Variants in MORN2 observed in about 807,000 individuals in gnomAD.
The protein encoded by MORN2 is MORN repeat-containing protein 2.
Under a neutral mutation model 13.4 loss-of-function variants are expected in MORN2, and 15 were observed. That is an observed-to-expected ratio of 1.12 (90% CI 0.75 to 1.72). MORN2 has a LOEUF of 1.72. Among genes scored for constraint, MORN2 ranks in the 40% most tolerant of loss-of-function variants. MORN2 has a pLI of 0.00. For missense variants in MORN2, 168 were observed against 134.6 expected (o/e 1.25, Z -1.23); for synonymous variants, 46 against 43.6 (o/e 1.06, Z -0.22).
chr2:38,876,574 G>C (rs914633719), intron 1 of MORN2, among the ~76,000 whole-genome samples: 1 of 152,242 alleles, frequency 6.6e-6, no homozygotes, highest in Non-Finnish European at 1.5e-5. Flanking sequence ...GGTGAGAAGA[G>C]ATTTGACTAA....
At chr2:38,878,105 C>T (rs1257679951) in intron 1 of MORN2, among the ~76,000 whole-genome samples, 1 of 146,194 alleles carries the variant, frequency 6.8e-6, no homozygotes, top group Non-Finnish European at 1.5e-5. Context: ...TACCAGCGTG[C>T]CTGCCAGTTT....
At chr2:38,877,201 G>A (rs1467612222) in intron 1 of MORN2, among the ~76,000 whole-genome samples, 2 of 152,126 alleles carry the variant, frequency 1.3e-5, no homozygotes, top group Non-Finnish European at 2.9e-5. Context: ...GGGAGGCGGA[G>A]GTTGCAGTGA....
intron 3 of MORN2, 121 bp downstream of exon 3, chr2:38,880,827 A>G (rs1436184340): frequency 1.9e-6 from 2 of 1,056,940 alleles, no homozygotes; most frequent in South Asian, 2.1e-5. Flanking sequence ...AAAAATAACA[A>G]ATGATCATAT....
At position 38,880,716 on chromosome 2, in the gene MORN2, T is replaced by C; in HGVS notation, c.216+10T>C. ...CTGGAAAGATGACAAGGTATTATTG[T>C]TGTTTTTAATATTGGCAGTGGATAA... On this transcript the variant is annotated intron_variant, in intron 3 of 4. Transcript: ENST00000644631. 6.5e-7 allele frequency: 1 copy of C among 1,549,594 alleles called. No homozygotes were observed. The highest frequency in any genetic ancestry group is 8.7e-7 in the Non-Finnish European group (1 of 1,146,558).
chr2:38,876,385 C>T (rs1437420279), intron 1 of MORN2, among the ~76,000 whole-genome samples: 1 of 152,240 alleles, frequency 6.6e-6, no homozygotes, highest in Admixed American at 6.5e-5. Flanking sequence ...TTCCCTCTAG[C>T]TCTGACGTTC....
At position 38,881,422 on chromosome 2, in the gene MORN2, A is replaced by G. The variant is rs1432444585; in HGVS notation, c.217-20A>G. The stretch of plus-strand genomic sequence containing the variant: ...AAACTGAAGATTAGTTTCTAAGGTA[A>G]TTTCCTTTGTTACAAACAGATGAAT... On this transcript the variant is annotated intron_variant, in intron 3 of 4. Transcript: ENST00000644631. 5.3e-6 allele frequency: 8 copies of G among 1,522,574 alleles called. No individual in the cohort carries two copies. Among genetic ancestry groups the G allele is most frequent in the Non-Finnish European group, 7.0e-6 (8 of 1,138,644 alleles). 94.3% of individuals were successfully genotyped at this position (1,522,574 alleles called of 1,614,324 possible).
rs905754676 is a variant in MORN2, at chr2:38,876,061, C to T, written c.9C>T (p.Ala3=). Residue 3 remains alanine (A), a synonymous_variant, in exon 1 of 5, where the codon GCC becomes GCT. Transcript: ENST00000644631. ...CTCTCCCGGCCGCAGAGCTGGCCGC[C>T]CAGGGGGAGTCGCAGAGTTTGGAAG... 10 of 398,624 alleles carry T rather than the reference C, an allele frequency of 2.5e-5. No individual in the cohort carries two copies. The highest frequency in any genetic ancestry group is 4.1e-5 in the African/African-American group (2 of 48,636). The allele number at this position is 398,624 out of a possible 1,614,324, so 24.7% of individuals were successfully genotyped here. A position where few individuals can be genotyped will look rare whatever the true frequency, so the allele number is the denominator to read the frequency against.
rs532061952 is a variant in MORN2, at chr2:38,879,718, A to C, written c.59-461A>C. Reference sequence around the variant, plus strand: ...CTTTCTGGGATGATTAAAATATTCTAAAATTAGATTGTGATGATAGTTGCA... The same window carrying C: ...CTTTCTGGGATGATTAAAATATTCTCAAATTAGATTGTGATGATAGTTGCA... On this transcript the variant is annotated intron_variant, in intron 1 of 4. Coordinates refer to ENST00000644631, the MANE Select transcript of MORN2 (RefSeq NM_001145450.3). 6.6e-5 allele frequency among the ~76,000 whole-genome samples: 10 copies of C among 152,316 alleles called. No homozygotes were observed. In the East Asian group the frequency reaches 1.9e-3, roughly 29 times the overall value.
intron 1 of MORN2, among the ~76,000 whole-genome samples, chr2:38,879,056 C>T (rs1424650226): frequency 6.6e-6 from 1 of 152,148 alleles, no homozygotes; most frequent in Non-Finnish European, 1.5e-5. Flanking sequence ...GGCCCAGAGT[C>T]CCCCTCAGTC....
At chr2:38,876,216 G>C in intron 1 of MORN2, 106 bp downstream of exon 1, 3 of 398,032 alleles carry the variant, frequency 7.5e-6, no homozygotes, top group Non-Finnish European at 1.3e-5. Context: ...GTGGGGGTGT[G>C]ATATATTTCC....
rs1467475243 is a variant in MORN2, at chr2:38,876,028, G to A, written c.-25G>A. ...AAGTCGCACCTGGAGCTGTCCTAGCGCCTAGTTCTCTCCCGGCCGCAGAGC... is the reference window on the plus strand; with the variant it reads ...AAGTCGCACCTGGAGCTGTCCTAGCACCTAGTTCTCTCCCGGCCGCAGAGC... On this transcript the variant is annotated 5_prime_UTR_variant, in exon 1 of 5. Transcript: ENST00000644631. 7.5e-6 allele frequency: 3 copies of A among 398,714 alleles called. No individual in the cohort carries two copies. The highest frequency in any genetic ancestry group is 2.5e-4 in the South Asian group (2 of 7,870). 24.7% of individuals were successfully genotyped at this position (398,714 alleles called of 1,614,324 possible).
chr2:38,876,449 G>C (rs1665625558), intron 1 of MORN2, among the ~76,000 whole-genome samples: 1 of 152,246 alleles, frequency 6.6e-6, no homozygotes, highest in Non-Finnish European at 1.5e-5. Flanking sequence ...TCCAGTTTCT[G>C]ATATGATTAC....
chr2:38,877,217 G>C (rs1238764039), intron 1 of MORN2, among the ~76,000 whole-genome samples: 2 of 152,044 alleles, frequency 1.3e-5, no homozygotes, highest in African/African-American at 2.4e-5. Flanking sequence ...AGTGAGACGA[G>C]ATCAAGCCAC....
chr2:38,879,318 G>A (rs1014545032), intron 1 of MORN2, among the ~76,000 whole-genome samples: 1 of 152,042 alleles, frequency 6.6e-6, no homozygotes, highest in Non-Finnish European at 1.5e-5. Context: ...TGTATGTTTT[G>A]AAAATGTACA....
chr2:38,877,718 C>G (rs1665682558), intron 1 of MORN2, among the ~76,000 whole-genome samples: 1 of 152,022 alleles, frequency 6.6e-6, no homozygotes, highest in African/African-American at 2.4e-5. Context: ...TGGGCTCAAG[C>G]AGTCCTCCCA....
At chr2:38,877,332 AAGT>A (rs1328632828) in intron 1 of MORN2, among the ~76,000 whole-genome samples, 3 of 151,926 alleles carry the variant, frequency 2.0e-5, no homozygotes, top group Non-Finnish European at 4.4e-5. Context: ...AAAAGAAAGA[AAGT>A]AGCTCTGTGT....
Position 38,882,616 on chromosome 2 carries a change from A to T in MORN2, c.*101A>T, listed in dbSNP as rs947872352. 2.8e-5 allele frequency: 21 copies of T among 757,800 alleles called. No individual in the cohort carries two copies. In the African/African-American group the frequency reaches 3.3e-4, roughly 12 times the overall value. The allele number at this position is 757,800 out of a possible 1,614,324, so 46.9% of individuals were successfully genotyped here. A position where few individuals can be genotyped will look rare whatever the true frequency, so the allele number is the denominator to read the frequency against. ...TGAAATGACTTCATACACTACCCCT[A>T]TAAGTTTGCCAATAAAACCATCACC... On this transcript the variant is annotated 3_prime_UTR_variant, in exon 5 of 5. Transcript: ENST00000644631.
intron 4 of MORN2, 127 bp downstream of exon 4, chr2:38,881,705 C>G (rs893410796): frequency 9.2e-6 from 7 of 761,614 alleles, no homozygotes; most frequent in South Asian, 2.2e-5. Context: ...GGCAGGAGTG[C>G]AGTGGAGTGA....
At chr2:38,879,536 G>A (rs1225162078) in intron 1 of MORN2, among the ~76,000 whole-genome samples, 2 of 152,090 alleles carry the variant, frequency 1.3e-5, no homozygotes, top group African/African-American at 4.8e-5. Flanking sequence ...CAGACATAAA[G>A]GACCACATAT....
Sources: allele counts gnomAD v4.1 joint callset (sites outside exome capture counted in the v4.1 genomes callset), GRCh38; gene constraint gnomAD v4.1.1; transcripts MANE v1.5; gene names NCBI Gene and HGNC (gene_info 2026-07-23, HGNC 2026-07-21).